The following PTDSS2 variants were observed in gnomAD, a reference collection of about 807,000 sequenced individuals.
PTDSS2 encodes PSS-2.
PTDSS2 carries 41 observed loss-of-function variants against 64.7 expected under a neutral mutation model. The ratio of observed to expected loss-of-function variants is 0.63; its 90% confidence interval spans 0.49 to 0.82. The LOEUF is 0.82. Ranked by LOEUF, PTDSS2 falls within the 40% of genes least tolerant of loss-of-function variation. The probability of loss-of-function intolerance (pLI) is 0.00; values close to 1 mark genes in which losing one functional copy is unlikely to be tolerated. For synonymous variants in PTDSS2, 297 were observed against 277.8 expected (o/e 1.07, Z -0.69); for missense variants, 485 against 650.0 (o/e 0.75, Z 2.76).
chr11:463,661 C>G (rs1321289205), intron 2 of PTDSS2: 1 of 151,708 alleles, frequency 6.6e-6, no homozygotes, highest in East Asian at 2.0e-4. Flanking sequence ...ATTCTCCTGC[C>G]TCAGCCTCCC....
chr11:459,106 G>A (rs1057069756), intron 1 of PTDSS2: 3 of 113,886 alleles, frequency 2.6e-5, no homozygotes, highest in African/African-American at 1.0e-4. Flanking sequence ...GGACACTCCG[G>A]TGGATGTCGG....
At position 471,241 on chromosome 11, in the gene PTDSS2, G is replaced by A. The variant is rs188842551; in HGVS notation, c.285-2654G>A. Among the ~76,000 whole-genome samples the A allele has an allele frequency of 5.3e-3, 801 of 151,758 alleles. 4 individuals carry two copies. Among genetic ancestry groups the A allele is most frequent in the Admixed American group, 8.3e-3 (127 of 15,218 alleles). On this transcript the variant is annotated intron_variant, in intron 2 of 11. Transcript: ENST00000308020. ...CTCCCGAGTAGCTGGGATTACAGGC[G>A]TCTGCCACCACACCTGGCTAATTTC...
intron 4 of PTDSS2, among the ~76,000 whole-genome samples, chr11:481,572 T>G (rs1848073078): frequency 6.6e-6 from 1 of 152,230 alleles, no homozygotes; most frequent in Admixed American, 6.5e-5. Context: ...ACTTCCTTTA[T>G]TACATTTACT....
At chr11:478,580 C>T (rs868309664) in intron 3 of PTDSS2, among the ~76,000 whole-genome samples, 81 of 151,910 alleles carry the variant, frequency 5.3e-4, no homozygotes, top group African/African-American at 2.4e-5. Context: ...AACCCTGTCC[C>T]GACTGAAAAT....
chr11:464,676 C>T (rs1847062170), intron 2 of PTDSS2, among the ~76,000 whole-genome samples: 1 of 152,250 alleles, frequency 6.6e-6, no homozygotes, highest in African/African-American at 2.4e-5. Context: ...GTTGCGTGGA[C>T]ACGGCACCGT....
chr11:486,994 C>T lies in PTDSS2; in HGVS notation c.491C>T (p.Pro164Leu). The change falls in exon 5 of 12, where the codon CCA becomes CTA. Residue 164 changes from proline to leucine, a missense_variant. Pro to Leu is a moderately conservative substitution (Grantham distance 98). Transcript: ENST00000308020. ...LKYVDPKLGV[P>L]LPERDYGGNC... Reference sequence around the variant, plus strand: ...TATGTTGACCCCAAGCTGGGAGTCCCACTGCCAGAGAGAGACTACGGGGGA... The same window carrying T: ...TATGTTGACCCCAAGCTGGGAGTCCTACTGCCAGAGAGAGACTACGGGGGA... 6.2e-7 allele frequency: 1 copy of T among 1,613,432 alleles called. No homozygotes were observed. The highest frequency in any genetic ancestry group is 8.5e-7 in the Non-Finnish European group (1 of 1,179,892).
chr11:466,399 C>CTTTT (rs1358932438), intron 2 of PTDSS2, among the ~76,000 whole-genome samples: 23 of 145,836 alleles, frequency 1.6e-4, no homozygotes, highest in African/African-American at 5.6e-4. Context: ...AAAACTGCCA[C>CTTTT]TCTTTTTTTT....
Position 490,456 on chromosome 11 carries a change from G to C in PTDSS2, c.1338G>C (p.Gln446His). 6.2e-7 allele frequency: 1 copy of C among 1,613,256 alleles called. No homozygotes were observed. Among genetic ancestry groups the C allele is most frequent in the Non-Finnish European group, 8.5e-7 (1 of 1,179,958 alleles). Residue 446 changes from glutamine (Q) to histidine (H), a missense_variant, in exon 12 of 12, where the codon CAG (glutamine) becomes CAC (histidine). Gln to His is a conservative substitution (Grantham distance 24). This residue lies in a region of PTDSS2 where 219 missense variants were observed against 257.3 expected (regional missense o/e 0.85). Transcript: ENST00000308020. ...ITLRYKETRW[Q>H]KWQNKDDQGS... ...TGAGGTACAAGGAGACCCGGTGGCA[G>C]AAGTGGCAGAACAAGGATGACCAGG... is the stretch of plus-strand genomic sequence containing the variant.
Position 460,571 on chromosome 11 carries a change from C to T in PTDSS2, c.284+283C>T. 2 of 394,330 alleles carry T rather than the reference C, an allele frequency of 5.1e-6. No individual in the cohort carries two copies. Among genetic ancestry groups the T allele is most frequent in the South Asian group, 3.0e-5 (1 of 32,852 alleles). 24.4% of individuals were successfully genotyped at this position (394,330 alleles called of 1,614,324 possible). ...TGTGCTGCGTTTCCTCTGAGTTTTGCATGTTGAGGTTGGAACGAGCTGCAG... is the reference window on the plus strand; with the variant it reads ...TGTGCTGCGTTTCCTCTGAGTTTTGTATGTTGAGGTTGGAACGAGCTGCAG... On this transcript the variant is annotated intron_variant, in intron 2 of 11. Coordinates refer to ENST00000308020, the MANE Select transcript of PTDSS2 (RefSeq NM_030783.3). The surrounding 1 kb of genome is among the most constrained non-coding windows in gnomAD (Gnocchi z 5.8).
intron 5 of PTDSS2, 97 bp from the exon 6 acceptor site, chr11:487,323 G>T (rs1728009986): frequency 3.3e-6 from 4 of 1,200,052 alleles, no homozygotes; most frequent in Non-Finnish European, 5.0e-6. Context: ...TCTTCCCGGG[G>T]TCTGGCAGGT....
At chr11:471,097 CTTTT>C (rs36051705) in intron 2 of PTDSS2, among the ~76,000 whole-genome samples, 8 of 129,272 alleles carry the variant, frequency 6.2e-5, no homozygotes, top group Admixed American at 7.9e-5. Flanking sequence ...TTAAGTAATT[CTTTT>C]TTTTTTTTTT....
intron 11 of PTDSS2, 122 bp downstream of exon 11, chr11:490,190 C>T (rs1848607304): frequency 2.4e-6 from 3 of 1,237,342 alleles, no homozygotes; most frequent in Non-Finnish European, 1.1e-6. Flanking sequence ...CCTCTGGCCG[C>T]CTCTGCGGGA....
chr11:485,450 G>A (rs1278191077), intron 4 of PTDSS2, among the ~76,000 whole-genome samples: 1 of 147,890 alleles, frequency 6.8e-6, no homozygotes, highest in Non-Finnish European at 1.5e-5. Flanking sequence ...GTGCGCAGGC[G>A]AGTGTAAACA....
At chr11:473,293 T>A (rs1847566710) in intron 2 of PTDSS2, among the ~76,000 whole-genome samples, 1 of 152,146 alleles carries the variant, frequency 6.6e-6, no homozygotes, top group South Asian at 2.1e-4. Context: ...ATCACAGGAG[T>A]CCCGTTGGTT....
rs55838661 is a variant in PTDSS2 at position 465,753 on chromosome 11, A to ACCC, written c.284+5473_284+5475dup. Among the ~76,000 whole-genome samples the ACCC allele has an allele frequency of 5.2e-3, 721 of 138,628 alleles. 5 individuals carry two copies. Among genetic ancestry groups the ACCC allele is most frequent in the African/African-American group, 0.018 (671 of 37,214 alleles). The allele number at this position is 138,628 out of a possible 152,430, so 90.9% of individuals were successfully genotyped here. The stretch of plus-strand genomic sequence containing the variant: ...CAGCCTGGGCAACATAGTGAGGACC[A>ACCC]CCCCCCCCCCATCTCTACTAAAAAT... On this transcript the variant is annotated intron_variant, in intron 2 of 11. Coordinates refer to ENST00000308020, the MANE Select transcript of PTDSS2 (RefSeq NM_030783.3).
rs867707006 is a variant in PTDSS2 at position 479,381 on chromosome 11, G to A, written c.435+229G>A. ...TTCAAAACGTAGGCCGAGCTGCGGGGGGCCTCCAGGAGCATCTGCTGGTGG... is the reference window on the plus strand; with the variant it reads ...TTCAAAACGTAGGCCGAGCTGCGGGAGGCCTCCAGGAGCATCTGCTGGTGG... On this transcript the variant is annotated intron_variant, in intron 4 of 11. Coordinates refer to ENST00000308020, the MANE Select transcript of PTDSS2 (RefSeq NM_030783.3). The surrounding 1 kb of genome is among the most constrained non-coding windows in gnomAD (Gnocchi z 4.2). 11 of 596,922 alleles carry A rather than the reference G, an allele frequency of 1.8e-5. No homozygotes were observed. The African/African-American group carries it at 1.9e-4, about 10-fold the overall frequency. 37.0% of individuals were successfully genotyped at this position (596,922 alleles called of 1,614,324 possible). A position where few individuals can be genotyped will look rare whatever the true frequency, so the allele number is the denominator to read the frequency against.
rs541694362 is a variant in PTDSS2 at position 481,923 on chromosome 11, A to G, written c.435+2771A>G. On this transcript the variant is annotated intron_variant, in intron 4 of 11. Coordinates refer to ENST00000308020, the MANE Select transcript of PTDSS2 (RefSeq NM_030783.3). The stretch of plus-strand genomic sequence containing the variant: ...AGTGGTGTGATCTTGGCTCACCGCA[A>G]CCTCCGCCTCCCAGGTTCAAGCAAT... 1.7e-4 allele frequency among the ~76,000 whole-genome samples: 26 copies of G among 150,828 alleles called. No individual in the cohort carries two copies. In the East Asian group the frequency reaches 5.1e-3, roughly 29 times the overall value.
Position 479,245 on chromosome 11 carries a change from C to T in PTDSS2, c.435+93C>T, listed in dbSNP as rs2301169. ...AAGGAGGCCTTGCCCACACAGCCCT[C>T]GAGTGATGGGAGGAAGCAGGGCTAG... On this transcript the variant is annotated intron_variant, in intron 4 of 11. Transcript: ENST00000308020. The surrounding 1 kb of genome is among the most constrained non-coding windows in gnomAD (Gnocchi z 4.2). 0.072 allele frequency: 76,665 copies of T among 1,061,034 alleles called. 3,132 individuals are homozygous for T. The highest frequency in any genetic ancestry group is 0.086 in the Non-Finnish European group (58,395 of 676,230). 65.7% of individuals were successfully genotyped at this position (1,061,034 alleles called of 1,614,324 possible).
rs565269576 is a variant in PTDSS2, at chr11:477,889, G to A, written c.368-1196G>A. ...GAGGAAGAAGTTTGTGATCTCAGTC[G>A]TCTGTCTTGGGTCCCAGACCTCCCT... On this transcript the variant is annotated intron_variant, in intron 3 of 11. Transcript: ENST00000308020. 3.9e-5 allele frequency among the ~76,000 whole-genome samples: 6 copies of A among 152,342 alleles called. No individual in the cohort carries two copies. In the South Asian group the frequency reaches 1.2e-3, roughly 32 times the overall value.
Sources: allele counts gnomAD v4.1 joint callset (sites outside exome capture counted in the v4.1 genomes callset), GRCh38; gene constraint gnomAD v4.1.1; regional missense constraint gnomAD v4.1.1; non-coding constraint Gnocchi (gnomAD v3.1); transcripts MANE v1.5; gene names NCBI Gene and HGNC (gene_info 2026-07-23, HGNC 2026-07-21).